Variants in GABRA2 observed in about 807,000 individuals in gnomAD.
GABRA2 encodes gamma-aminobutyric acid type A receptor subunit alpha2, also known as gamma-aminobutyric acid receptor subunit alpha-2.
GABRA2 carries 16 observed loss-of-function variants against 48.7 expected under a neutral mutation model. That is an observed-to-expected ratio of 0.33 (90% CI 0.22 to 0.50). The LOEUF (loss-of-function observed/expected upper bound fraction) is 0.50, where lower values mean the gene tolerates loss of function less well. Ranked by LOEUF, GABRA2 falls within the 20% of genes least tolerant of loss-of-function variation. The pLI is 0.98. For missense variants in GABRA2, 275 were observed against 535.6 expected (o/e 0.51, Z 4.80); for synonymous variants, 185 against 184.5 (o/e 1.00, Z -0.02).
chr4:46,343,136 T>C (rs762445749), intron 3 of GABRA2, among the ~76,000 whole-genome samples: 18 of 152,014 alleles, frequency 1.2e-4, no homozygotes, highest in Admixed American at 6.6e-5. Context: ...CCCAATACTT[T>C]AGATCTCCCT....
In GABRA2 at chr4:46,244,166, T is replaced by C. The variant is rs891113176; in HGVS notation, c.*6142A>G. ...TTGTGGCTCAATAATTGAGTTTTAC[T>C]TATGTCTTTCTAATTATACGTTACA... On this transcript the variant is annotated 3_prime_UTR_variant, in exon 10 of 10. Transcript: ENST00000381620. 1 of 151,592 alleles carries C rather than the reference T, an allele frequency of 6.6e-6. No individual in the cohort carries two copies. The highest frequency in any genetic ancestry group is 1.5e-5 in the Non-Finnish European group (1 of 67,690). The allele number at this position is 151,592 out of a possible 1,614,324, so 9.4% of individuals were successfully genotyped here. A position where few individuals can be genotyped will look rare whatever the true frequency, so the allele number is the denominator to read the frequency against.
chr4:46,313,691 G>A (rs759761682), intron 4 of GABRA2, among the ~76,000 whole-genome samples: 4 of 151,640 alleles, frequency 2.6e-5, no homozygotes, highest in Non-Finnish European at 5.9e-5. Flanking sequence ...ACAATCCATT[G>A]GATATTAATT....
chr4:46,389,969 G>A lies in GABRA2; in HGVS notation c.-245C>T, dbSNP rs1405249604. The stretch of plus-strand genomic sequence containing the variant: ...GCGAGGTGTAGAAGGAGGCGAAGGC[G>A]TTCGTAGTGGCGGTGATGGGCGGAG... On this transcript the variant is annotated 5_prime_UTR_variant, in exon 1 of 10. In the 5' UTR this introduces an upstream ATG that the reference lacks. Transcript: ENST00000381620. 4.0e-6 allele frequency: 4 copies of A among 988,288 alleles called. No individual in the cohort carries two copies. Among genetic ancestry groups the A allele is most frequent in the Non-Finnish European group, 4.8e-6 (4 of 832,236 alleles). The allele number at this position is 988,288 out of a possible 1,614,324, so 61.2% of individuals were successfully genotyped here.
intron 3 of GABRA2, among the ~76,000 whole-genome samples, chr4:46,356,436 A>AG: frequency 1.4e-5 from 1 of 70,224 alleles, no homozygotes; most frequent in Middle Eastern, 8.5e-3. Context: ...AAACTCACTA[A>AG]GAAAAAAAAA....
At chr4:46,340,599 A>G (rs1733051507) in intron 3 of GABRA2, among the ~76,000 whole-genome samples, 1 of 152,010 alleles carries the variant, frequency 6.6e-6, no homozygotes, top group South Asian at 2.1e-4. Flanking sequence ...GATATTGGAT[A>G]TTACAGCAAT....
intron 4 of GABRA2, among the ~76,000 whole-genome samples, chr4:46,329,176 T>A (rs1156430147): frequency 6.6e-6 from 1 of 152,114 alleles, no homozygotes; most frequent in Non-Finnish European, 1.5e-5. Flanking sequence ...ATTTCAGCTA[T>A]CTGTGTACTG....
chr4:46,330,583 T>TAG (rs1180886073), intron 4 of GABRA2, among the ~76,000 whole-genome samples: 1,723 of 108,066 alleles, frequency 0.016, 13 homozygotes, highest in Middle Eastern at 0.028. Flanking sequence ...TATATATATA[T>TAG]ATATATATAG....
At chr4:46,325,779 A>T (rs1015843832) in intron 4 of GABRA2, among the ~76,000 whole-genome samples, 1 of 152,018 alleles carries the variant, frequency 6.6e-6, no homozygotes, top group African/African-American at 2.4e-5. Context: ...GTCCAGTTTC[A>T]GTCTTCTGCA....
Position 46,301,895 on chromosome 4 carries a change from G to A in GABRA2, c.856+1565C>T, listed in dbSNP as rs567011376. Among the ~76,000 whole-genome samples, 134 of 152,214 alleles carry A rather than the reference G, an allele frequency of 8.8e-4. 1 individual carries two copies. Among genetic ancestry groups the A allele is most frequent in the African/African-American group, 3.1e-3 (130 of 41,522 alleles). On this transcript the variant is annotated intron_variant, in intron 8 of 9. Coordinates refer to ENST00000381620, the MANE Select transcript of GABRA2 (RefSeq NM_000807.4). ...CAATAAAACTTTCTTAAATGAATGAGTGGACCAAACACAAAAAGGTAATCT... is the reference window on the plus strand; with the variant it reads ...CAATAAAACTTTCTTAAATGAATGAATGGACCAAACACAAAAAGGTAATCT...
At chr4:46,326,322 C>A (rs773550044) in intron 4 of GABRA2, among the ~76,000 whole-genome samples, 7 of 151,818 alleles carry the variant, frequency 4.6e-5, no homozygotes, top group Non-Finnish European at 8.8e-5. Flanking sequence ...AGTTTCCCCA[C>A]CCCCAGGTGA....
chr4:46,344,616 T>C (rs1163196798), intron 3 of GABRA2, among the ~76,000 whole-genome samples: 1 of 151,642 alleles, frequency 6.6e-6, no homozygotes, highest in African/African-American at 2.4e-5. Context: ...AAGCTGAATA[T>C]ACAGGAGAGA....
intron 3 of GABRA2, among the ~76,000 whole-genome samples, chr4:46,371,284 C>T (rs752586461): frequency 9.9e-5 from 15 of 152,104 alleles, no homozygotes; most frequent in Non-Finnish European, 1.9e-4. Context: ...CCTTTTATCT[C>T]TCCAAAGGGT....
intron 3 of GABRA2, among the ~76,000 whole-genome samples, chr4:46,348,556 A>G (rs1734562536): frequency 6.6e-6 from 1 of 152,188 alleles, no homozygotes. Context: ...CTGGATTAAG[A>G]AAATGTGGCA....
intron 4 of GABRA2, among the ~76,000 whole-genome samples, chr4:46,318,450 C>A (rs1728909727): frequency 6.6e-6 from 1 of 151,308 alleles, no homozygotes; most frequent in African/African-American, 2.4e-5. Context: ...CTTTGCATAG[C>A]CACTAAGTAC....
intron 4 of GABRA2, among the ~76,000 whole-genome samples, chr4:46,330,482 A>C (rs1731135723): frequency 6.6e-6 from 1 of 151,342 alleles, no homozygotes; most frequent in East Asian, 1.9e-4. Context: ...AACAAGTATG[A>C]TGTGAATTTG....
chr4:46,312,483 C>G lies in GABRA2; in HGVS notation c.476+13G>C. The G allele has an allele frequency of 6.4e-7, 1 of 1,570,036 alleles. No homozygotes were observed. Among genetic ancestry groups the G allele is most frequent in the Non-Finnish European group, 8.7e-7 (1 of 1,143,620 alleles). On this transcript the variant is annotated intron_variant, in intron 5 of 9. Coordinates refer to ENST00000381620, the MANE Select transcript of GABRA2 (RefSeq NM_000807.4). ...CAGTATATAAATACATCACATCAAA[C>G]CTAAAAACATACCTCATGGTATACA...
intron 8 of GABRA2, among the ~76,000 whole-genome samples, chr4:46,281,305 G>A (rs115122420): frequency 0.012 from 1,887 of 152,242 alleles, 45 homozygotes; most frequent in African/African-American, 0.043. Context: ...TTTGGTAATT[G>A]TCACACAGAA....
chr4:46,251,175 C>T (rs779958460), intron 9 of GABRA2, among the ~76,000 whole-genome samples: 16 of 151,318 alleles, frequency 1.1e-4, no homozygotes, highest in Admixed American at 3.3e-4. Flanking sequence ...TAGCTCATCC[C>T]GTTTCACTTT....
rs76520797 is a variant in GABRA2 at position 46,332,929 on chromosome 4, G to C, written c.188-247C>G. On this transcript the variant is annotated intron_variant, in intron 3 of 9. Transcript: ENST00000381620. ...CTTACTTGGAATCCATACCTGATTAGCGCATCCTCATTTATATTGCTCAAA... is the reference window on the plus strand; with the variant it reads ...CTTACTTGGAATCCATACCTGATTACCGCATCCTCATTTATATTGCTCAAA... 6.7e-3 allele frequency among the ~76,000 whole-genome samples: 1,023 copies of C among 152,190 alleles called. 2 individuals are homozygous for C. The highest frequency in any genetic ancestry group is 0.011 in the Non-Finnish European group (773 of 68,006).
Sources: gnomAD v4.1 joint callset for allele counts (sites outside exome capture counted in the v4.1 genomes callset) on GRCh38, gnomAD v4.1.1 for gene constraint, MANE v1.5 for transcripts, NCBI Gene and HGNC (gene_info 2026-07-23, HGNC 2026-07-21) for gene names.